Variants in PSMD14 observed in about 807,000 individuals in gnomAD.
PSMD14 encodes proteasome 26S subunit, non-ATPase 14.
In PSMD14, 7 loss-of-function variants were observed where a neutral mutation model predicts 41.2. That is an observed-to-expected ratio of 0.17 (90% CI 0.10 to 0.32). The LOEUF is 0.32. PSMD14 is among the 10% of genes least tolerant of loss of function. The pLI is 1.00. For synonymous variants in PSMD14, 114 were observed against 122.3 expected, an observed-to-expected ratio of 0.93 and a Z score of 0.45; for missense variants, 139 against 375.6, an observed-to-expected ratio of 0.37 and a Z score of 5.21.
chr2:161,378,840 G>C (rs754556623), intron 7 of PSMD14, among the ~76,000 whole-genome samples: 7 of 151,906 alleles, frequency 4.6e-5, no homozygotes, highest in Non-Finnish European at 8.8e-5. Flanking sequence ...TTGTTGAGAG[G>C]ATTAGCAAGA....
intron 3 of PSMD14, among the ~76,000 whole-genome samples, chr2:161,337,600 T>C (rs2105239727): frequency 6.6e-6 from 1 of 152,336 alleles, no homozygotes; most frequent in South Asian, 2.1e-4. Flanking sequence ...TAGGCATTGC[T>C]ATCTTTGTAT....
chr2:161,401,473 A>T (rs949662998), intron 10 of PSMD14, among the ~76,000 whole-genome samples: 1 of 152,222 alleles, frequency 6.6e-6, no homozygotes, highest in Non-Finnish European at 1.5e-5. Context: ...AGTGTGTGCA[A>T]TGTGGTCTTT....
At chr2:161,350,878 C>T (rs1426953180) in intron 3 of PSMD14, among the ~76,000 whole-genome samples, 1 of 152,148 alleles carries the variant, frequency 6.6e-6, no homozygotes, top group Non-Finnish European at 1.5e-5. Context: ...TTCTCCATTT[C>T]CCCCAAGTGT....
intron 6 of PSMD14, 116 bp from the exon 7 acceptor site, chr2:161,371,056 A>G (rs1683425002): frequency 1.7e-6 from 2 of 1,174,692 alleles, no homozygotes; most frequent in African/African-American, 1.6e-5. Context: ...GCTTTTTCAC[A>G]CCTGTGTGTT....
intron 10 of PSMD14, among the ~76,000 whole-genome samples, chr2:161,400,172 A>G (rs574605799): frequency 6.6e-6 from 1 of 152,346 alleles, no homozygotes; most frequent in African/African-American, 2.4e-5. Context: ...GGTATGTCTC[A>G]TATTTCAAGT....
intron 3 of PSMD14, chr2:161,341,058 C>G: frequency 6.3e-7 from 1 of 1,575,768 alleles, no homozygotes; most frequent in African/African-American, 1.3e-5. Context: ...TTCGGGCTCC[C>G]CCGGTCCCGC....
intron 3 of PSMD14, among the ~76,000 whole-genome samples, chr2:161,359,824 A>G (rs1683264416): frequency 6.6e-6 from 1 of 152,226 alleles, no homozygotes; most frequent in Admixed American, 6.5e-5. Context: ...GGCGTACTGT[A>G]CTGGAAAGTA....
intron 5 of PSMD14, 130 bp from the exon 6 acceptor site, chr2:161,369,977 G>T: frequency 1.7e-6 from 1 of 602,826 alleles, no homozygotes; most frequent in South Asian, 2.2e-5. Context: ...ATAATTGAAT[G>T]ACTTGAGTAG....
At chr2:161,368,412 A>G (rs754885218) in intron 5 of PSMD14, among the ~76,000 whole-genome samples, 1 of 152,094 alleles carries the variant, frequency 6.6e-6, no homozygotes, top group Non-Finnish European at 1.5e-5. Context: ...GCAAACCTGA[A>G]TATTTTTTTC....
chr2:161,367,408 C>T (rs763437201), intron 3 of PSMD14, 70 bp from the exon 4 acceptor site: 1 of 1,230,392 alleles, frequency 8.1e-7, no homozygotes, highest in Admixed American at 2.2e-5. Context: ...GTTTATACCA[C>T]ATGTAACTTG....
chr2:161,367,663 A>G, intron 4 of PSMD14, 114 bp downstream of exon 4: 1 of 1,404,286 alleles, frequency 7.1e-7, no homozygotes, highest in Non-Finnish European at 9.5e-7. Flanking sequence ...CTATTGTTTT[A>G]GGTACATTTA....
chr2:161,396,489 A>T (rs1683798229), intron 10 of PSMD14, among the ~76,000 whole-genome samples: 1 of 152,226 alleles, frequency 6.6e-6, no homozygotes, highest in Admixed American at 6.5e-5. Context: ...CAACATGGAT[A>T]AACCTGTAGG....
intron 1 of PSMD14, among the ~76,000 whole-genome samples, chr2:161,312,837 G>A (rs751162954): frequency 2.6e-5 from 4 of 152,094 alleles, no homozygotes; most frequent in South Asian, 2.1e-4. Context: ...TAAATTCTGC[G>A]AAATGCAAGT....
At chr2:161,332,675 C>T (rs751878913) in intron 3 of PSMD14, among the ~76,000 whole-genome samples, 4 of 152,108 alleles carry the variant, frequency 2.6e-5, no homozygotes, top group South Asian at 2.1e-4. Context: ...CCTTTTTCTC[C>T]TTTTGCAGTA....
intron 3 of PSMD14, among the ~76,000 whole-genome samples, chr2:161,343,582 C>T (rs1366571995): frequency 2.6e-5 from 4 of 152,202 alleles, no homozygotes; most frequent in African/African-American, 9.7e-5. Context: ...AAACCCTGCA[C>T]TTTGGGAGGC....
intron 3 of PSMD14, among the ~76,000 whole-genome samples, chr2:161,326,239 C>T (rs537585320): frequency 1.7e-4 from 26 of 152,174 alleles, no homozygotes; most frequent in African/African-American, 6.3e-4. Context: ...CCATGTTGGC[C>T]GGGCTGGTCT....
rs775840691 is a variant in PSMD14 at position 161,411,407 on chromosome 2, G to A, written c.*7G>A. 11 of 1,572,734 alleles carry A rather than the reference G, an allele frequency of 7.0e-6. No individual in the cohort carries two copies. Among genetic ancestry groups the A allele is most frequent in the South Asian group, 4.5e-5 (4 of 88,224 alleles). On this transcript the variant is annotated 3_prime_UTR_variant, in exon 12 of 12. Transcript: ENST00000409682. ...TACTGTCGTATTTAAATAAAGCAACGAAAAACGCTATTAATGATGCCTTCA... is the reference window on the plus strand; with the variant it reads ...TACTGTCGTATTTAAATAAAGCAACAAAAAACGCTATTAATGATGCCTTCA...
chr2:161,407,613 G>C (rs1432135149), intron 10 of PSMD14: 1 of 152,046 alleles, frequency 6.6e-6, no homozygotes, highest in Non-Finnish European at 1.5e-5. Flanking sequence ...AAACTTCCCA[G>C]TTTATGGGGA....
chr2:161,363,629 G>A (rs950657819), intron 3 of PSMD14, among the ~76,000 whole-genome samples: 14 of 152,214 alleles, frequency 9.2e-5, no homozygotes, highest in Non-Finnish European at 1.3e-4. Flanking sequence ...AAAAGATAAT[G>A]TATGTAGATG....
Sources: gnomAD v4.1 joint callset for allele counts (sites outside exome capture counted in the v4.1 genomes callset) on GRCh38, gnomAD v4.1.1 for gene constraint, MANE v1.5 for transcripts, NCBI Gene and HGNC (gene_info 2026-07-23, HGNC 2026-07-21) for gene names.